FOXP1: variants seen among roughly 807,000 people sequenced by gnomAD.
FOXP1 encodes forkhead box P1, also known as forkhead box protein P1.
Under a neutral mutation model 98.2 loss-of-function variants are expected in FOXP1, and 15 were observed. The ratio of observed to expected loss-of-function variants is 0.15; its 90% CI spans 0.10 to 0.24. The LOEUF (loss-of-function observed/expected upper bound fraction) is 0.24, where lower values mean the gene tolerates loss of function less well. Ranked by LOEUF, FOXP1 falls within the 10% of genes least tolerant of loss-of-function variation. The pLI, the probability that FOXP1 is intolerant of heterozygous loss-of-function variation, is 1.00. For missense variants in FOXP1, 633 were observed against 848.5 expected (o/e 0.75, Z 3.15); for synonymous variants, 371 against 314.5 (o/e 1.18, Z -1.90).
At chr3:71,143,450 A>G (rs2108012910) in intron 6 of FOXP1, among the ~76,000 whole-genome samples, 1 of 152,334 alleles carries the variant, frequency 6.6e-6, no homozygotes, top group African/African-American at 2.4e-5. Flanking sequence ...CTTCTGGAAG[A>G]TGAAGCCAGA....
intron 11 of FOXP1, among the ~76,000 whole-genome samples, chr3:71,035,201 A>C (rs2047420731): frequency 6.6e-6 from 1 of 152,010 alleles, no homozygotes; most frequent in South Asian, 2.1e-4. Flanking sequence ...GAGTAGCAAG[A>C]CTCCAGGGTA....
At chr3:71,367,782 C>T (rs2079023366) in intron 3 of FOXP1, among the ~76,000 whole-genome samples, 1 of 152,120 alleles carries the variant, frequency 6.6e-6, no homozygotes, top group Non-Finnish European at 1.5e-5. Context: ...TCAATTTTCT[C>T]CTTAAGAAAT....
chr3:71,545,744 C>G (rs1263713977), intron 2 of FOXP1, among the ~76,000 whole-genome samples: 1 of 152,132 alleles, frequency 6.6e-6, no homozygotes, highest in Non-Finnish European at 1.5e-5. Context: ...AACCTACAAC[C>G]CAAATATGAT....
chr3:71,432,838 G>A (rs1343159230), intron 3 of FOXP1, among the ~76,000 whole-genome samples: 3 of 123,376 alleles, frequency 2.4e-5, no homozygotes, highest in Admixed American at 9.4e-5. Flanking sequence ...CAGGAAATGT[G>A]AACATGTTAA....
chr3:71,463,664 C>A (rs2088394271), intron 3 of FOXP1, among the ~76,000 whole-genome samples: 1 of 152,098 alleles, frequency 6.6e-6, no homozygotes, highest in South Asian at 2.1e-4. Flanking sequence ...TTTGTGGTCC[C>A]TGAATTAAAG....
intron 6 of FOXP1, among the ~76,000 whole-genome samples, chr3:71,144,500 G>A (rs1379347721): frequency 6.6e-6 from 1 of 152,146 alleles, no homozygotes; most frequent in Non-Finnish European, 1.5e-5. Context: ...CATCTCATTC[G>A]GCAGGTAAGA....
intron 6 of FOXP1, among the ~76,000 whole-genome samples, chr3:71,192,106 C>G: frequency 6.6e-6 from 1 of 152,174 alleles, no homozygotes; most frequent in East Asian, 1.9e-4. Flanking sequence ...TTCTAGGACA[C>G]AGAGGTGCTG....
chr3:71,030,588 A>C (rs1448493125), intron 11 of FOXP1, among the ~76,000 whole-genome samples: 2 of 152,242 alleles, frequency 1.3e-5, no homozygotes. Context: ...TTCCCACACT[A>C]GGACCACACC....
rs116722744 is a variant in FOXP1 at position 71,240,327 on chromosome 3, T to G, written c.-11-41935A>C. ...TTCTTTGGTTTGAATGGAAGGGCAG[T>G]GTACTGGCCAAAGGCCATGAAAAGG... On this transcript the variant is annotated intron_variant, in intron 5 of 20. Coordinates refer to ENST00000649528, the MANE Select transcript of FOXP1 (RefSeq NM_001349338.3). Among the ~76,000 whole-genome samples, 72 of 152,358 alleles carry G rather than the reference T, an allele frequency of 4.7e-4. 1 individual carries two copies. The highest frequency in any genetic ancestry group is 3.5e-3 in the Admixed American group (53 of 15,310).
intron 3 of FOXP1, among the ~76,000 whole-genome samples, chr3:71,396,951 T>C (rs1560424100): frequency 3.8e-5 from 2 of 52,852 alleles, no homozygotes; most frequent in African/African-American, 1.6e-4. Flanking sequence ...TATATATGTG[T>C]ATATATATAT....
intron 2 of FOXP1, chr3:71,572,653 T>C (rs1012744966): frequency 6.6e-6 from 1 of 152,128 alleles, no homozygotes; most frequent in African/African-American, 2.4e-5. Flanking sequence ...CTACACAAGA[T>C]GAAAACCACC....
At chr3:71,525,966 A>C (rs1402706888) in intron 2 of FOXP1, among the ~76,000 whole-genome samples, 1 of 151,900 alleles carries the variant, frequency 6.6e-6, no homozygotes, top group Non-Finnish European at 1.5e-5. Flanking sequence ...AAATACAAAA[A>C]CAAAATGAGC....
rs1002360152 is a variant in FOXP1 at position 70,955,974 on chromosome 3, T to C, written c.*3273A>G. ...TTTCTCCCTCCCACATGTCAGGAAA[T>C]GTCATCCAATATTCTTAAAGCAAGG... is the stretch of plus-strand genomic sequence containing the variant. On this transcript the variant is annotated 3_prime_UTR_variant, in exon 21 of 21. Transcript: ENST00000649528. 4.3e-6 allele frequency: 1 copy of C among 233,086 alleles called. No homozygotes were observed. Among genetic ancestry groups the C allele is most frequent in the African/African-American group, 2.2e-5 (1 of 45,324 alleles). The allele number at this position is 233,086 out of a possible 1,614,324, so 14.4% of individuals were successfully genotyped here. A position where few individuals can be genotyped will look rare whatever the true frequency, so the allele number is the denominator to read the frequency against.
intron 6 of FOXP1, among the ~76,000 whole-genome samples, chr3:71,130,327 C>T (rs1443813112): frequency 6.6e-6 from 1 of 151,910 alleles, no homozygotes; most frequent in Non-Finnish European, 1.5e-5. Flanking sequence ...TCTCAAATCT[C>T]TAAAAAGAAA....
chr3:71,002,501 G>GT (rs1204734597), intron 12 of FOXP1, among the ~76,000 whole-genome samples: 1 of 152,160 alleles, frequency 6.6e-6, no homozygotes, highest in Non-Finnish European at 1.5e-5. Context: ...GAGCTAAGCA[G>GT]TTTCACATGC....
intron 4 of FOXP1, among the ~76,000 whole-genome samples, chr3:71,305,006 T>C (rs1305108699): frequency 1.3e-5 from 2 of 152,166 alleles, no homozygotes; most frequent in Non-Finnish European, 2.9e-5. Context: ...CCCTTGTTAA[T>C]TGTGGCAACT....
intron 4 of FOXP1, among the ~76,000 whole-genome samples, chr3:71,302,256 T>C (rs959327388): frequency 6.6e-6 from 1 of 152,130 alleles, no homozygotes; most frequent in Admixed American, 6.6e-5. Flanking sequence ...TGTGTCAATA[T>C]AATAGACAAG....
At chr3:71,142,150 A>C (rs1321999768) in intron 6 of FOXP1, among the ~76,000 whole-genome samples, 1 of 152,224 alleles carries the variant, frequency 6.6e-6, no homozygotes, top group African/African-American at 2.4e-5. Context: ...AACAAAAAAA[A>C]AAACCTGTAA....
intron 7 of FOXP1, among the ~76,000 whole-genome samples, chr3:71,108,984 G>A (rs771238807): frequency 2.0e-5 from 3 of 151,990 alleles, no homozygotes; most frequent in Non-Finnish European, 4.4e-5. Flanking sequence ...TTTATGATGG[G>A]GCCAATTTTC....
Sources: allele counts gnomAD v4.1 joint callset (sites outside exome capture counted in the v4.1 genomes callset), GRCh38; gene constraint gnomAD v4.1.1; transcripts MANE v1.5; gene names NCBI Gene and HGNC (gene_info 2026-07-23, HGNC 2026-07-21).